Variants in PTP4A3 observed in about 807,000 individuals in gnomAD.
The protein encoded by PTP4A3 is protein tyrosine phosphatase type IVA 3.
A neutral mutation model predicts 15.2 loss-of-function variants in PTP4A3; 9 were observed. That is an observed-to-expected ratio of 0.59 (90% CI 0.36 to 1.03). The LOEUF is 1.03. Among genes scored for constraint, PTP4A3 ranks in the 50% least tolerant of loss-of-function variants. The probability of loss-of-function intolerance (pLI) is 0.02; values close to 1 mark genes in which losing one functional copy is unlikely to be tolerated. For synonymous variants in PTP4A3, 95 were observed against 102.0 expected, an observed-to-expected ratio of 0.93 and a Z score of 0.41; for missense variants, 234 against 252.1, an observed-to-expected ratio of 0.93 and a Z score of 0.49.
chr8:141,408,617 G>GA (rs112994349), intron 1 of PTP4A3, among the ~76,000 whole-genome samples: 15,826 of 130,106 alleles, frequency 0.12, 1,407 homozygotes, highest in African/African-American at 0.27. Flanking sequence ...GACTCTGTCT[G>GA]AAAAAAAAAA....
intron 1 of PTP4A3, among the ~76,000 whole-genome samples, chr8:141,400,436 C>A (rs929271261): frequency 6.6e-6 from 1 of 152,256 alleles, no homozygotes; most frequent in African/African-American, 2.4e-5. Flanking sequence ...CCGTGCCGGC[C>A]TCGGGTGCTG....
At chr8:141,412,383 C>T (rs931811371) in intron 1 of PTP4A3, among the ~76,000 whole-genome samples, 22 of 152,190 alleles carry the variant, frequency 1.4e-4, no homozygotes, top group Admixed American at 9.2e-4. Flanking sequence ...ATTGGCTCCC[C>T]TGCTAGAGGG....
At chr8:141,407,049 G>A (rs1298117114) in intron 1 of PTP4A3, among the ~76,000 whole-genome samples, 1 of 152,152 alleles carries the variant, frequency 6.6e-6, no homozygotes, top group African/African-American at 2.4e-5. Context: ...ATCCTGGAGA[G>A]TCCCTCCCCA....
chr8:141,403,838 G>A (rs569341562), intron 1 of PTP4A3, among the ~76,000 whole-genome samples: 49 of 152,350 alleles, frequency 3.2e-4, no homozygotes, highest in African/African-American at 1.1e-3. Flanking sequence ...CAAACGTGGC[G>A]GCTTCCTGTA....
intron 1 of PTP4A3, among the ~76,000 whole-genome samples, chr8:141,407,992 C>T (rs1158455908): frequency 7.7e-6 from 1 of 130,004 alleles, no homozygotes; most frequent in African/African-American, 3.4e-5. Flanking sequence ...CCCAGGGAAG[C>T]CAAAAGATTG....
rs1021691843 is a variant in PTP4A3, at chr8:141,419,293, A to G, written c.-853-2095A>G. On this transcript the variant is annotated intron_variant, in intron 1 of 5. Coordinates refer to ENST00000521578, the MANE Select transcript of PTP4A3 (RefSeq NM_032611.3). ...CAGCTGTAGGTGTGAGGGGTTGGTC[A>G]GCCCCTCAGGGAGAGGCCCAATACT... Among the ~76,000 whole-genome samples, 3 of 152,182 alleles carry G rather than the reference A, an allele frequency of 2.0e-5. No individual in the cohort carries two copies. In the East Asian group the frequency reaches 5.8e-4, roughly 29 times the overall value.
chr8:141,411,033 C>A (rs978703972), intron 1 of PTP4A3, among the ~76,000 whole-genome samples: 1 of 152,158 alleles, frequency 6.6e-6, no homozygotes, highest in Admixed American at 6.5e-5. Context: ...GCAGCACTGG[C>A]GTTGTGGGCT....
At chr8:141,417,971 C>T (rs1024547808) in intron 1 of PTP4A3, among the ~76,000 whole-genome samples, 3 of 151,868 alleles carry the variant, frequency 2.0e-5, no homozygotes, top group Non-Finnish European at 4.4e-5. Flanking sequence ...GCACCGTGGG[C>T]ACCGCCAGGC....
At chr8:141,429,405 G>T (rs2130359495) in intron 5 of PTP4A3, among the ~76,000 whole-genome samples, 1 of 152,402 alleles carries the variant, frequency 6.6e-6, no homozygotes, top group Non-Finnish European at 1.5e-5. Context: ...TCACCTCAGG[G>T]CCTCTCAGGT....
chr8:141,430,073 G>A (rs1454518791), intron 5 of PTP4A3, among the ~76,000 whole-genome samples: 16 of 105,726 alleles, frequency 1.5e-4, no homozygotes, highest in East Asian at 3.3e-4. Flanking sequence ...CGCACAGTCC[G>A]GGTCCCCGCT....
At position 141,418,212 on chromosome 8, in the gene PTP4A3, C is replaced by T. The variant is rs1032681182; in HGVS notation, c.-853-3176C>T. ...CCAGAGCGCCCGCCTCAGCCCTGACCGCGGCGCAGCTTACTTCTCCTGAGA... is the reference window on the plus strand; with the variant it reads ...CCAGAGCGCCCGCCTCAGCCCTGACTGCGGCGCAGCTTACTTCTCCTGAGA... On this transcript the variant is annotated intron_variant, in intron 1 of 5. Transcript: ENST00000521578. Among the ~76,000 whole-genome samples, 10 of 152,336 alleles carry T rather than the reference C, an allele frequency of 6.6e-5. No individual in the cohort carries two copies. The South Asian group carries it at 1.9e-3, about 28-fold the overall frequency.
At chr8:141,409,416 C>T (rs953398707) in intron 1 of PTP4A3, among the ~76,000 whole-genome samples, 6 of 152,196 alleles carry the variant, frequency 3.9e-5, no homozygotes, top group Non-Finnish European at 5.9e-5. Flanking sequence ...TGGGAGCCTC[C>T]ATCTGTGGAC....
intron 4 of PTP4A3, among the ~76,000 whole-genome samples, 171 bp downstream of exon 4, chr8:141,427,240 G>A (rs538328225): frequency 1.3e-5 from 2 of 152,354 alleles, no homozygotes; most frequent in East Asian, 3.9e-4. Context: ...GCATCACAGA[G>A]AGGAAGTGCT....
chr8:141,412,325 A>T (rs1186531520), intron 1 of PTP4A3, among the ~76,000 whole-genome samples: 1 of 152,182 alleles, frequency 6.6e-6, no homozygotes, highest in Admixed American at 6.5e-5. Flanking sequence ...AGGCCGGCCC[A>T]GCTCCCCACC....
chr8:141,406,049 C>T lies in PTP4A3; in HGVS notation c.-854+13965C>T, dbSNP rs999840751. Among the ~76,000 whole-genome samples, 9 of 152,026 alleles carry T rather than the reference C, an allele frequency of 5.9e-5. No individual in the cohort carries two copies. The highest frequency in any genetic ancestry group is 2.1e-4 in the South Asian group (1 of 4,802). ...AAGGATTTTTGGCTTTCCTGAGTGACGCGGGCACCACTGGAGGCTTTGAGC... is the reference window on the plus strand; with the variant it reads ...AAGGATTTTTGGCTTTCCTGAGTGATGCGGGCACCACTGGAGGCTTTGAGC... On this transcript the variant is annotated intron_variant, in intron 1 of 5. Transcript: ENST00000521578. The surrounding 1 kb of genome is among the most constrained non-coding windows in gnomAD (Gnocchi z 4.5).
intron 1 of PTP4A3, among the ~76,000 whole-genome samples, chr8:141,394,158 A>T (rs1042422857): frequency 2.1e-4 from 32 of 152,256 alleles, no homozygotes; most frequent in African/African-American, 7.5e-4. Context: ...GATGGCGGTG[A>T]TACAGCTTGG....
At chr8:141,412,182 C>T (rs1192423490) in intron 1 of PTP4A3, among the ~76,000 whole-genome samples, 1 of 152,238 alleles carries the variant, frequency 6.6e-6, no homozygotes, top group Non-Finnish European at 1.5e-5. Flanking sequence ...TTCTGTGACA[C>T]AGCAGAGGTG....
chr8:141,426,774 T>G (rs563057914), intron 3 of PTP4A3, 165 bp from the exon 4 acceptor site: 137 of 915,234 alleles, frequency 1.5e-4, no homozygotes, highest in Admixed American at 1.1e-3. Context: ...GGGGTGCCCA[T>G]AGGCAAGCTG....
intron 1 of PTP4A3, among the ~76,000 whole-genome samples, chr8:141,419,878 A>G (rs1165971737): frequency 1.3e-5 from 2 of 151,984 alleles, no homozygotes; most frequent in Admixed American, 1.3e-4. Flanking sequence ...TGCGCCTGAC[A>G]CCCACCGCCC....
Sources: allele counts gnomAD v4.1 joint callset (sites outside exome capture counted in the v4.1 genomes callset), GRCh38; gene constraint gnomAD v4.1.1; non-coding constraint Gnocchi (gnomAD v3.1); transcripts MANE v1.5; gene names NCBI Gene and HGNC (gene_info 2026-07-23, HGNC 2026-07-21).